Variants in TRAPPC10 observed in about 807,000 individuals in gnomAD.
The protein encoded by TRAPPC10 is trafficking protein particle complex subunit 10.
TRAPPC10 carries 23 observed loss-of-function variants against 125.5 expected under a neutral mutation model. The observed-to-expected ratio is 0.18, with a 90% CI of 0.13 to 0.26. TRAPPC10 has a LOEUF of 0.26. TRAPPC10 is among the 10% of genes least tolerant of loss of function. The probability of loss-of-function intolerance (pLI) is 1.00; values close to 1 mark genes in which losing one functional copy is unlikely to be tolerated. For missense variants in TRAPPC10, 1,123 were observed against 1,308.4 expected, an observed-to-expected ratio of 0.86 and a Z score of 2.19; for synonymous variants, 509 against 518.0, an observed-to-expected ratio of 0.98 and a Z score of 0.24.
At chr21:44,071,255 G>A (rs1292686670) in intron 7 of TRAPPC10, among the ~76,000 whole-genome samples, 1 of 152,220 alleles carries the variant, frequency 6.6e-6, no homozygotes, top group Non-Finnish European at 1.5e-5. Context: ...GGACTTGAGA[G>A]AACCTTCTAG....
intron 17 of TRAPPC10, 164 bp from the exon 18 acceptor site, chr21:44,089,669 G>A (rs558377482): frequency 2.3e-5 from 15 of 645,284 alleles, no homozygotes; most frequent in Admixed American, 1.3e-4. Flanking sequence ...GTTGGTTTGT[G>A]TATGTGTTGG....
intron 7 of TRAPPC10, among the ~76,000 whole-genome samples, chr21:44,069,529 T>C (rs2036699495): frequency 6.6e-6 from 1 of 152,130 alleles, no homozygotes; most frequent in African/African-American, 2.4e-5. Context: ...GTGGAGATGC[T>C]GGCGCTCATT....
chr21:44,017,429 C>T (rs2031994247), intron 1 of TRAPPC10, among the ~76,000 whole-genome samples: 1 of 151,968 alleles, frequency 6.6e-6, no homozygotes, highest in African/African-American at 2.4e-5. Context: ...AAAAAAGTTA[C>T]TAAGGAGAGG....
At position 44,028,069 on chromosome 21, in the gene TRAPPC10, A is replaced by G. The variant is rs917716199; in HGVS notation, c.68-4022A>G. Among the ~76,000 whole-genome samples the G allele has an allele frequency of 2.6e-5, 4 of 152,196 alleles. No individual in the cohort carries two copies. In the East Asian group the frequency reaches 7.7e-4, roughly 29 times the overall value. On this transcript the variant is annotated intron_variant, in intron 1 of 22. Transcript: ENST00000291574. ...TGTTACCTGTTACACTAAATCACTG[A>G]AGTCATCTTTTTGAATTCTTTCCCC...
intron 20 of TRAPPC10, among the ~76,000 whole-genome samples, chr21:44,095,109 G>A (rs2038838288): frequency 6.6e-6 from 1 of 150,626 alleles, no homozygotes; most frequent in African/African-American, 2.4e-5. Flanking sequence ...GAGTGCAGTG[G>A]CACAATCATA....
intron 3 of TRAPPC10, among the ~76,000 whole-genome samples, chr21:44,041,596 T>C (rs2034425948): frequency 6.6e-6 from 1 of 152,180 alleles, no homozygotes; most frequent in South Asian, 2.1e-4. Flanking sequence ...GGTCTCAAAC[T>C]CCCGACCTCA....
At position 44,087,263 on chromosome 21, in the gene TRAPPC10, G is replaced by A. The variant is rs1450099141; in HGVS notation, c.2539+303G>A. 1.3e-5 allele frequency among the ~76,000 whole-genome samples: 2 copies of A among 152,210 alleles called. No individual in the cohort carries two copies. The highest frequency in any genetic ancestry group is 2.9e-5 in the Non-Finnish European group (2 of 68,030). ...GCCTGCCAGACCCTGTCCCCCTTGG[G>A]CTGGCCCTGCTCCCGAGAAGCAAAA... On this transcript the variant is annotated intron_variant, in intron 16 of 22. Coordinates refer to ENST00000291574, the MANE Select transcript of TRAPPC10 (RefSeq NM_003274.5). This position sits in a 1 kb window ranked among gnomAD's most constrained non-coding sequence, Gnocchi z 4.6.
In TRAPPC10 at chr21:44,023,225, G is replaced by A. The variant is rs557410585; in HGVS notation, c.68-8866G>A. 4.6e-5 allele frequency among the ~76,000 whole-genome samples: 7 copies of A among 151,448 alleles called. No homozygotes were observed. In the East Asian group the frequency reaches 1.4e-3, roughly 29 times the overall value. On this transcript the variant is annotated intron_variant, in intron 1 of 22. Transcript: ENST00000291574. ...TTTTTTGTATTTTTAGTAGAGATGG[G>A]GTTTCACCGTGTTAGCCAGGATGGT...
chr21:44,043,442 G>A (rs942386145), intron 3 of TRAPPC10, among the ~76,000 whole-genome samples: 10 of 151,966 alleles, frequency 6.6e-5, no homozygotes, highest in African/African-American at 2.4e-4. Flanking sequence ...TCAAACTCCT[G>A]ACCTCGTGAT....
chr21:44,027,652 C>T (rs978450518), intron 1 of TRAPPC10, among the ~76,000 whole-genome samples: 8 of 152,088 alleles, frequency 5.3e-5, no homozygotes, highest in African/African-American at 1.4e-4. Context: ...GGTGAGTATG[C>T]GTGAAGTGCC....
intron 4 of TRAPPC10, among the ~76,000 whole-genome samples, chr21:44,053,013 A>G (rs1408638568): frequency 1.3e-5 from 2 of 151,144 alleles, no homozygotes; most frequent in East Asian, 3.9e-4. Flanking sequence ...CAGTGATGCC[A>G]TTGCCAGCTG....
In TRAPPC10 at chr21:44,086,931, G is replaced by C; in HGVS notation, c.2510G>C (p.Ser837Thr). Residue 837 changes from serine to threonine, a missense_variant, in exon 16 of 23, where the codon AGC becomes ACC. Coordinates refer to ENST00000291574, the MANE Select transcript of TRAPPC10 (RefSeq NM_003274.5). ...EAMLILCQAE[S>T]RAVVYSNTRE... ...ATGCTCATCCTGTGCCAGGCGGAGA[G>C]CAGGGCTGTGGTCTACTCCAACACG... 6.2e-7 allele frequency: 1 copy of C among 1,614,178 alleles called. No homozygotes were observed. Among genetic ancestry groups the C allele is most frequent in the South Asian group, 1.1e-5 (1 of 91,084 alleles).
At chr21:44,019,859 G>A (rs1173762586) in intron 1 of TRAPPC10, among the ~76,000 whole-genome samples, 4 of 152,152 alleles carry the variant, frequency 2.6e-5, no homozygotes, top group African/African-American at 9.7e-5. Context: ...TGTCTTTGGA[G>A]GTTTGTCCTT....
rs78686541 is a variant in TRAPPC10, at chr21:44,036,323, A to C, written c.150-1469A>C. ...TGAGGGAAAGTACCCCAGACCCTAG[A>C]ATTCTTTATCATTCACAGTGTCATC... On this transcript the variant is annotated intron_variant, in intron 2 of 22. Coordinates refer to ENST00000291574, the MANE Select transcript of TRAPPC10 (RefSeq NM_003274.5). 2.6e-5 allele frequency among the ~76,000 whole-genome samples: 4 copies of C among 152,308 alleles called. No individual in the cohort carries two copies. In the East Asian group the frequency reaches 5.8e-4, roughly 22 times the overall value.
intron 11 of TRAPPC10, among the ~76,000 whole-genome samples, chr21:44,078,655 A>C (rs887473213): frequency 6.6e-6 from 1 of 152,170 alleles, no homozygotes; most frequent in Non-Finnish European, 1.5e-5. Context: ...TCACAGCTAG[A>C]ATGTAGCTCT....
At chr21:44,077,233 T>C (rs1375941677) in intron 10 of TRAPPC10, among the ~76,000 whole-genome samples, 1 of 152,228 alleles carries the variant, frequency 6.6e-6, no homozygotes, top group Non-Finnish European at 1.5e-5. Flanking sequence ...ATTTTGCTTA[T>C]ATATTACAGA....
Position 44,083,137 on chromosome 21 carries a change from G to A in TRAPPC10, c.2073G>A (p.Thr691=), listed in dbSNP as rs1044685726. ...ERSPSDNSLN[T]TGIICRNVHM... Reference sequence around the variant, plus strand: ...GCCCATCTGATAACTCCTTGAACACGACTGGGATTATCTGCAGAAACGTCC... The same window carrying A: ...GCCCATCTGATAACTCCTTGAACACAACTGGGATTATCTGCAGAAACGTCC... Residue 691 remains threonine (T), a synonymous_variant, in exon 14 of 23, where the codon ACG becomes ACA. Transcript: ENST00000291574. 1.2e-6 allele frequency: 2 copies of A among 1,614,034 alleles called. No individual in the cohort carries two copies. The highest frequency in any genetic ancestry group is 8.5e-7 in the Non-Finnish European group (1 of 1,180,048).
intron 18 of TRAPPC10, 45 bp downstream of exon 18, chr21:44,089,978 T>G (rs373597627): frequency 1.4e-6 from 2 of 1,465,646 alleles, no homozygotes; most frequent in Non-Finnish European, 1.9e-6. Context: ...TTCCCCAGAC[T>G]CTTCTAAGTG....
At chr21:44,069,167 G>A (rs1007127135) in intron 7 of TRAPPC10, among the ~76,000 whole-genome samples, 9 of 152,202 alleles carry the variant, frequency 5.9e-5, no homozygotes, top group African/African-American at 2.2e-4. Context: ...TGAAGGAAGA[G>A]GGTCCTGCAT....
Sources: gnomAD v4.1 joint callset for allele counts (sites outside exome capture counted in the v4.1 genomes callset) on GRCh38, gnomAD v4.1.1 for gene constraint, Gnocchi (gnomAD v3.1) non-coding constraint, MANE v1.5 for transcripts, NCBI Gene and HGNC (gene_info 2026-07-23, HGNC 2026-07-21) for gene names.